BMPER: variants seen among roughly 807,000 people sequenced by gnomAD.
The protein encoded by BMPER is BMP binding endothelial regulator, also known as BMP-binding endothelial regulator protein.
In BMPER, 45 loss-of-function variants were observed where a neutral mutation model predicts 87.3. The observed-to-expected ratio is 0.52, with a 90% confidence interval of 0.41 to 0.66. The LOEUF is 0.66. BMPER is among the 30% of genes least tolerant of loss of function. BMPER has a pLI of 0.00. For synonymous variants in BMPER, 326 were observed against 316.2 expected, an observed-to-expected ratio of 1.03 and a Z score of -0.33; for missense variants, 784 against 867.5, an observed-to-expected ratio of 0.90 and a Z score of 1.21.
intron 13 of BMPER, among the ~76,000 whole-genome samples, chr7:34,128,606 C>T (rs1790464270): frequency 6.6e-6 from 1 of 152,064 alleles, no homozygotes; most frequent in Non-Finnish European, 1.5e-5. Context: ...TGAAAGCCCC[C>T]CAAAAGTTTA....
upstream of BMPER, chr7:33,905,521 C>G: frequency 6.4e-7 from 1 of 1,557,900 alleles, no homozygotes. Context: ...CCCGACACGC[C>G]GGCTGAGAGC....
chr7:33,912,566 GA>G (rs2128601980), intron 2 of BMPER, among the ~76,000 whole-genome samples: 1 of 152,294 alleles, frequency 6.6e-6, no homozygotes, highest in East Asian at 1.9e-4. Context: ...GAGATAATGG[GA>G]AAAGTCAGGC....
At chr7:34,066,177 C>T (rs1788583829) in intron 11 of BMPER, among the ~76,000 whole-genome samples, 1 of 152,132 alleles carries the variant, frequency 6.6e-6, no homozygotes, top group Non-Finnish European at 1.5e-5. Flanking sequence ...TCTTATGGGC[C>T]TCTCCTTACA....
upstream of BMPER, chr7:33,905,530 G>C: frequency 6.4e-7 from 1 of 1,558,092 alleles, no homozygotes; most frequent in Admixed American, 1.8e-5. Flanking sequence ...CCGGCTGAGA[G>C]CCCTTTTCGA....
At chr7:34,049,370 G>A (rs973777353) in intron 7 of BMPER, among the ~76,000 whole-genome samples, 5 of 152,124 alleles carry the variant, frequency 3.3e-5, no homozygotes, top group Non-Finnish European at 5.9e-5. Flanking sequence ...TTAAGCGATT[G>A]GTCACATTTG....
At chr7:33,973,868 T>C (rs1172248217) in intron 5 of BMPER, among the ~76,000 whole-genome samples, 1 of 152,122 alleles carries the variant, frequency 6.6e-6, no homozygotes, top group Non-Finnish European at 1.5e-5. Flanking sequence ...GGTTCCTGTC[T>C]GGTTTGTGCA....
intron 13 of BMPER, among the ~76,000 whole-genome samples, chr7:34,093,445 G>GC (rs1335215448): frequency 6.6e-6 from 1 of 152,176 alleles, no homozygotes; most frequent in African/African-American, 2.4e-5. Context: ...ATAGCCCAAA[G>GC]CCCCATACTA....
intron 13 of BMPER, among the ~76,000 whole-genome samples, chr7:34,134,644 AAG>A (rs1233983658): frequency 2.0e-5 from 3 of 152,158 alleles, no homozygotes; most frequent in Non-Finnish European, 4.4e-5. Context: ...GGGCTCCTTA[AAG>A]ATGTGGCCCC....
chr7:33,929,471 A>G (rs1784432407), intron 2 of BMPER, among the ~76,000 whole-genome samples: 1 of 152,186 alleles, frequency 6.6e-6, no homozygotes, highest in African/African-American at 2.4e-5. Flanking sequence ...CCTAAAAGGC[A>G]TTATTTTTAC....
intron 3 of BMPER, among the ~76,000 whole-genome samples, chr7:33,952,071 C>G (rs1043015214): frequency 6.6e-6 from 1 of 152,164 alleles, no homozygotes; most frequent in African/African-American, 2.4e-5. Flanking sequence ...TTACTGATCA[C>G]CTAAATGTAA....
At chr7:33,917,605 A>G (rs1365551176) in intron 2 of BMPER, among the ~76,000 whole-genome samples, 2 of 152,174 alleles carry the variant, frequency 1.3e-5, no homozygotes, top group African/African-American at 4.8e-5. Context: ...AATAGACATA[A>G]CATGACTCTG....
chr7:33,980,277 A>G (rs1287803469), intron 6 of BMPER, among the ~76,000 whole-genome samples: 2 of 152,236 alleles, frequency 1.3e-5, no homozygotes, highest in Admixed American at 6.5e-5. Context: ...GCTGTTCCAT[A>G]TAGCGGTCTG....
At chr7:34,122,339 C>G (rs1223333408) in intron 13 of BMPER, among the ~76,000 whole-genome samples, 2 of 152,152 alleles carry the variant, frequency 1.3e-5, no homozygotes, top group Non-Finnish European at 2.9e-5. Flanking sequence ...CGGTTTTAGA[C>G]CAGAGCTTCT....
intron 8 of BMPER, 66 bp from the exon 9 acceptor site, chr7:34,055,097 G>T: frequency 6.2e-7 from 1 of 1,606,502 alleles, no homozygotes; most frequent in Non-Finnish European, 8.5e-7. Flanking sequence ...TGAAAGGAAG[G>T]CCAGGTAGGA....
intron 12 of BMPER, among the ~76,000 whole-genome samples, chr7:34,080,793 G>A (rs1405488948): frequency 5.3e-5 from 8 of 152,198 alleles, no homozygotes; most frequent in Non-Finnish European, 5.9e-5. Flanking sequence ...TTGAGTACTT[G>A]AAGATGACTA....
chr7:34,094,107 C>G (rs1789465322), intron 13 of BMPER, among the ~76,000 whole-genome samples: 2 of 152,200 alleles, frequency 1.3e-5, no homozygotes, highest in African/African-American at 2.4e-5. Context: ...TCACTGTCCA[C>G]TCGGGTTTTC....
intron 7 of BMPER, among the ~76,000 whole-genome samples, chr7:34,048,222 C>A (rs1272179550): frequency 6.6e-6 from 1 of 151,900 alleles, no homozygotes; most frequent in African/African-American, 2.4e-5. Flanking sequence ...TTTTTATGAC[C>A]AAGTTGACAA....
chr7:33,985,992 A>T (rs1786001505), intron 6 of BMPER, among the ~76,000 whole-genome samples: 1 of 152,240 alleles, frequency 6.6e-6, no homozygotes, highest in Admixed American at 6.5e-5. Context: ...TATATTAAAA[A>T]ATAGAAAAGT....
intron 13 of BMPER, among the ~76,000 whole-genome samples, chr7:34,113,481 T>C (rs1437181202): frequency 1.3e-5 from 2 of 151,748 alleles, no homozygotes; most frequent in Admixed American, 6.6e-5. Context: ...TTTATTTTAT[T>C]TTATTTTAAA....
Sources: allele counts gnomAD v4.1 joint callset (sites outside exome capture counted in the v4.1 genomes callset), GRCh38; gene constraint gnomAD v4.1.1; transcripts MANE v1.5; gene names NCBI Gene and HGNC (gene_info 2026-07-23, HGNC 2026-07-21).